Variants in OSGIN2 observed in about 807,000 individuals in gnomAD.
OSGIN2 encodes the protein oxidative stress induced growth inhibitor family member 2.
OSGIN2 carries 19 observed loss-of-function variants against 53.8 expected under a neutral mutation model. The ratio of observed to expected loss-of-function variants is 0.35; its 90% CI spans 0.25 to 0.52. OSGIN2 has a LOEUF of 0.52. Among genes scored for constraint, OSGIN2 ranks in the 20% least tolerant of loss-of-function variants. OSGIN2 has a pLI of 0.95. For missense variants in OSGIN2, 520 were observed against 662.7 expected (o/e 0.78, Z 2.36); for synonymous variants, 236 against 236.0 (o/e 1.00, Z 0.00).
chr8:89,921,056 A>ATT, intron 4 of OSGIN2, 24 bp from the exon 5 acceptor site: 33 of 1,151,016 alleles, frequency 2.9e-5, no homozygotes, highest in South Asian at 6.2e-5. Flanking sequence ...TTGACGGTAC[A>ATT]TTTTTTTTTT....
intron 5 of OSGIN2, among the ~76,000 whole-genome samples, chr8:89,922,025 T>A (rs1655502642): frequency 6.6e-6 from 1 of 152,114 alleles, no homozygotes; most frequent in Non-Finnish European, 1.5e-5. Context: ...ACTATAAATT[T>A]ATTTATTTTA....
chr8:89,902,731 C>G lies in OSGIN2; in HGVS notation c.-63C>G, dbSNP rs1808749003. 6 of 1,028,616 alleles carry G rather than the reference C, an allele frequency of 5.8e-6. No individual in the cohort carries two copies. In the East Asian group the frequency reaches 3.0e-4, roughly 51 times the overall value. 63.7% of individuals were successfully genotyped at this position (1,028,616 alleles called of 1,614,324 possible). On this transcript the variant is annotated 5_prime_UTR_variant, in exon 1 of 6. Transcript: ENST00000451899. The stretch of plus-strand genomic sequence containing the variant: ...CCAGCGGGCGCCCCGAGCGGGCAGC[C>G]TCGCCGGGGGAGGCGGAGGCGGCCA...
In OSGIN2 at chr8:89,909,683, T is replaced by C; in HGVS notation, c.161T>C (p.Leu54Pro). Residue 54 changes from leucine (L) to proline (P), a missense_variant, in exon 2 of 6, where the codon CTG becomes CCG. Transcript: ENST00000451899. ...AMPLVEETSLLEDSSVTFPVV... is the reference protein window; with the variant it reads ...AMPLVEETSLPEDSSVTFPVV... Reference sequence around the variant, plus strand: ...CCATTAGTTGAAGAAACTTCTTTACTGGAAGATTCGTCAGTGACTTTTCCT... The same window carrying C: ...CCATTAGTTGAAGAAACTTCTTTACCGGAAGATTCGTCAGTGACTTTTCCT... 1 of 1,610,114 alleles carries C rather than the reference T, an allele frequency of 6.2e-7. No individual in the cohort carries two copies. Among genetic ancestry groups the C allele is most frequent in the Non-Finnish European group, 8.5e-7 (1 of 1,177,312 alleles).
At position 89,925,632 on chromosome 8, in the gene OSGIN2, T is replaced by C; in HGVS notation, c.*100T>C. 1 of 832,716 alleles carries C rather than the reference T, an allele frequency of 1.2e-6. No individual in the cohort carries two copies. Among genetic ancestry groups the C allele is most frequent in the Non-Finnish European group, 1.8e-6 (1 of 543,572 alleles). The allele number at this position is 832,716 out of a possible 1,614,324, so 51.6% of individuals were successfully genotyped here. A position where few individuals can be genotyped will look rare whatever the true frequency, so the allele number is the denominator to read the frequency against. On this transcript the variant is annotated 3_prime_UTR_variant, in exon 6 of 6. Transcript: ENST00000451899. ...TTGAATTTTCTGGACTTGAGTTAAC[T>C]GAAGGAGAGCCTCAAACTATAGTAA...
At chr8:89,901,945 T>C (rs1040235868), upstream of OSGIN2, 2 of 152,284 alleles carry the variant, frequency 1.3e-5, no homozygotes, top group East Asian at 1.9e-4. Context: ...TTGAGAGACA[T>C]GAAGAGGGGA....
Position 89,924,825 on chromosome 8 carries a change from C to T in OSGIN2, c.943C>T (p.Leu315=), listed in dbSNP as rs368345033. The part of the protein sequence containing the change: ...ATGTLDSPAH[L]EIEGEDFPFV... ...TGGAACGCTGGATTCTCCTGCCCAT[C>T]TGGAAATTGAAGGGGAAGATTTTCC... is the stretch of plus-strand genomic sequence containing the variant. The change falls in exon 6 of 6, where the codon CTG becomes TTG. Residue 315 remains leucine (L), a synonymous_variant. Transcript: ENST00000451899. 5 of 1,614,036 alleles carry T rather than the reference C, an allele frequency of 3.1e-6. No individual in the cohort carries two copies. Among genetic ancestry groups the T allele is most frequent in the Non-Finnish European group, 4.2e-6 (5 of 1,180,000 alleles).
intron 1 of OSGIN2, among the ~76,000 whole-genome samples, chr8:89,905,316 G>A (rs2130687028): frequency 6.6e-6 from 1 of 152,240 alleles, no homozygotes; most frequent in South Asian, 2.1e-4. Context: ...TTTACTAGTT[G>A]CTAAATGTAA....
intron 1 of OSGIN2, among the ~76,000 whole-genome samples, chr8:89,908,779 A>G (rs1475530166): frequency 6.6e-6 from 1 of 152,052 alleles, no homozygotes; most frequent in Admixed American, 6.6e-5. Flanking sequence ...AAATTGGAAA[A>G]TAACATTAAG....
At chr8:89,905,237 A>G (rs1808814097) in intron 1 of OSGIN2, among the ~76,000 whole-genome samples, 1 of 152,020 alleles carries the variant, frequency 6.6e-6, no homozygotes, top group Non-Finnish European at 1.5e-5. Flanking sequence ...AAGCATCTTA[A>G]ATGTCAAATA....
intron 4 of OSGIN2, among the ~76,000 whole-genome samples, chr8:89,920,583 T>C (rs1451060404): frequency 6.6e-6 from 1 of 152,204 alleles, no homozygotes; most frequent in East Asian, 1.9e-4. Flanking sequence ...TGTATCCACA[T>C]CAGCCTAGAT....
intron 4 of OSGIN2, among the ~76,000 whole-genome samples, chr8:89,917,388 T>C (rs1321241751): frequency 1.3e-5 from 2 of 152,246 alleles, no homozygotes; most frequent in Non-Finnish European, 2.9e-5. Context: ...GATCTTCATA[T>C]CCTTACTTAC....
intron 4 of OSGIN2, among the ~76,000 whole-genome samples, chr8:89,917,030 A>T (rs1809094212): frequency 6.6e-6 from 1 of 152,142 alleles, no homozygotes. Context: ...TTACCATTCC[A>T]GACTGTCTCC....
At chr8:89,911,606 G>C (rs1808968213) in intron 2 of OSGIN2, among the ~76,000 whole-genome samples, 1 of 150,492 alleles carries the variant, frequency 6.6e-6, no homozygotes, top group Non-Finnish European at 1.5e-5. Flanking sequence ...CTCCAGCTTG[G>C]GCGACAAGTG....
At position 89,927,332 on chromosome 8, in the gene OSGIN2, G is replaced by A. The variant is rs1039422722; in HGVS notation, c.*1800G>A. 3.3e-5 allele frequency: 5 copies of A among 151,460 alleles called. No individual in the cohort carries two copies. Among genetic ancestry groups the A allele is most frequent in the African/African-American group, 1.2e-4 (5 of 41,238 alleles). 9.4% of individuals were successfully genotyped at this position (151,460 alleles called of 1,614,324 possible). On this transcript the variant is annotated 3_prime_UTR_variant, in exon 6 of 6. Coordinates refer to ENST00000451899, the MANE Select transcript of OSGIN2 (RefSeq NM_001126111.3). ...AGACTTCAAGAAAAATAAAAGTTCA[G>A]TGGAGCTGCAAATAAATCTGGTGAA...
chr8:89,905,443 A>G (rs1003640781), intron 1 of OSGIN2, among the ~76,000 whole-genome samples: 15 of 152,230 alleles, frequency 9.9e-5, no homozygotes, highest in African/African-American at 3.4e-4. Context: ...AGAGATTAAC[A>G]CTGTTCATAG....
At chr8:89,911,315 T>C (rs1344702042) in intron 2 of OSGIN2, among the ~76,000 whole-genome samples, 1 of 152,050 alleles carries the variant, frequency 6.6e-6, no homozygotes, top group South Asian at 2.1e-4. Context: ...TGTAGTAACA[T>C]TTACAGGTTC....
At chr8:89,906,133 T>C (rs968058137) in intron 1 of OSGIN2, among the ~76,000 whole-genome samples, 2 of 152,176 alleles carry the variant, frequency 1.3e-5, no homozygotes, top group African/African-American at 4.8e-5. Context: ...CTTACATAGG[T>C]AAACATGTGT....
At chr8:89,906,017 A>T (rs576515181) in intron 1 of OSGIN2, among the ~76,000 whole-genome samples, 2 of 152,382 alleles carry the variant, frequency 1.3e-5, no homozygotes, top group South Asian at 4.1e-4. Context: ...CAAAATGTTG[A>T]GAGAAATTAA....
intron 1 of OSGIN2, among the ~76,000 whole-genome samples, chr8:89,909,065 T>TATATAA (rs1418669494): frequency 2.5e-3 from 297 of 118,616 alleles, no homozygotes; most frequent in Non-Finnish European, 3.3e-3. Flanking sequence ...TATATATATA[T>TATATAA]AATGTATATG....
Sources: gnomAD v4.1 joint callset for allele counts (sites outside exome capture counted in the v4.1 genomes callset) on GRCh38, gnomAD v4.1.1 for gene constraint, MANE v1.5 for transcripts, NCBI Gene and HGNC (gene_info 2026-07-23, HGNC 2026-07-21) for gene names.